Variants in EHD2 observed in about 807,000 individuals in gnomAD.
EHD2 encodes the protein EH domain containing 2, also known as EH domain-containing protein 2.
Under a neutral mutation model 41.0 loss-of-function variants are expected in EHD2, and 27 were observed. That is an observed-to-expected ratio of 0.66 (90% CI 0.49 to 0.91). EHD2 has a LOEUF of 0.91. Ranked by LOEUF, EHD2 falls within the 40% of genes least tolerant of loss-of-function variation. EHD2 has a pLI of 0.00. For synonymous variants in EHD2, 342 were observed against 341.0 expected (o/e 1.00, Z -0.03); for missense variants, 673 against 773.9 (o/e 0.87, Z 1.55).
chr19:47,733,175 C>T (rs1966886978), intron 4 of EHD2: 1 of 151,744 alleles, frequency 6.6e-6, no homozygotes, highest in Non-Finnish European at 1.5e-5. Flanking sequence ...TGAGTGTTTT[C>T]TGTACAGATT....
At chr19:47,720,867 G>A (rs1296488556) in intron 3 of EHD2, among the ~76,000 whole-genome samples, 1 of 151,936 alleles carries the variant, frequency 6.6e-6, no homozygotes, top group Non-Finnish European at 1.5e-5. Flanking sequence ...GTGTGTGCAG[G>A]AGTGCATCTT....
At chr19:47,722,617 G>A (rs555004908) in intron 3 of EHD2, among the ~76,000 whole-genome samples, 3 of 151,532 alleles carry the variant, frequency 2.0e-5, no homozygotes, top group African/African-American at 4.8e-5. Context: ...CCAGGCTGGA[G>A]TGCAGTGGCA....
chr19:47,716,735 C>T lies in EHD2; in HGVS notation c.123C>T (p.Arg41=), dbSNP rs772577292. The part of the protein sequence containing the change: ...TKLLPLEEHY[R]FGAFHSPALE... ...TGCTGCCGCTGGAGGAGCACTACCG[C>T]TTTGGGGCCTTCCACTCGCCGGCCC... Residue 41 remains arginine, a synonymous_variant, in exon 2 of 6, where the codon CGC becomes CGT. Coordinates refer to ENST00000263277, the MANE Select transcript of EHD2 (RefSeq NM_014601.4). 14 of 1,613,428 alleles carry T rather than the reference C, an allele frequency of 8.7e-6. No homozygotes were observed. The highest frequency in any genetic ancestry group is 1.2e-5 in the Non-Finnish European group (14 of 1,179,780).
chr19:47,722,815 G>T (rs1322468052), intron 3 of EHD2, among the ~76,000 whole-genome samples: 1 of 152,092 alleles, frequency 6.6e-6, no homozygotes, highest in East Asian at 1.9e-4. Context: ...TGATCCACCC[G>T]CCTCAGCCTC....
chr19:47,722,938 G>A (rs1748883068), intron 3 of EHD2, among the ~76,000 whole-genome samples: 4 of 152,170 alleles, frequency 2.6e-5, no homozygotes, highest in Admixed American at 2.6e-4. Context: ...CCACCTCCTG[G>A]GGTTGTTGTG....
In EHD2 at chr19:47,738,449, T is replaced by C. The variant is rs187049775; in HGVS notation, c.1080+1916T>C. Among the ~76,000 whole-genome samples the C allele has an allele frequency of 1.3e-3, 200 of 152,058 alleles. 2 individuals are homozygous for C. Among genetic ancestry groups the C allele is most frequent in the African/African-American group, 3.8e-3 (159 of 41,488 alleles). ...TCCCAAGTAGCTGAGATTACAGGCA[T>C]CCGCCACCACGCCCAGCTAATTTTG... On this transcript the variant is annotated intron_variant, in intron 5 of 5. Coordinates refer to ENST00000263277, the MANE Select transcript of EHD2 (RefSeq NM_014601.4).
chr19:47,714,371 A>G (rs1038838941), intron 1 of EHD2, among the ~76,000 whole-genome samples: 3 of 152,192 alleles, frequency 2.0e-5, no homozygotes, highest in African/African-American at 7.2e-5. Flanking sequence ...CCAAAAGTTG[A>G]TTCTTTGAAA....
chr19:47,731,279 A>AAATATATATATATATGTGT, intron 4 of EHD2: 1 of 60,934 alleles, frequency 1.6e-5, no homozygotes, highest in East Asian at 4.7e-4. Context: ...AAAAAAAAAA[A>AAATATATATATATATGTGT]ATATATATAT....
chr19:47,726,859 G>A (rs1261585714), intron 4 of EHD2, among the ~76,000 whole-genome samples: 1 of 152,032 alleles, frequency 6.6e-6, no homozygotes, highest in East Asian at 1.9e-4. Flanking sequence ...TTTATTTTTT[G>A]TAGAGTCGAG....
At chr19:47,731,247 A>G (rs1206157196) in intron 4 of EHD2, 1 of 117,348 alleles carries the variant, frequency 8.5e-6, no homozygotes, top group African/African-American at 3.0e-5. Flanking sequence ...CGTTCTCAGC[A>G]GTCTAAATTT....
Position 47,716,728 on chromosome 19 carries a change from A to G in EHD2, c.116A>G (p.His39Arg), listed in dbSNP as rs939377555. ...ACGAAGCTGCTGCCGCTGGAGGAGC[A>G]CTACCGCTTTGGGGCCTTCCACTCG... ...YRTKLLPLEEHYRFGAFHSPA... is the reference protein window; with the variant it reads ...YRTKLLPLEERYRFGAFHSPA... Residue 39 changes from histidine to arginine, a missense_variant, in exon 2 of 6, where the codon CAC (histidine) becomes CGC (arginine). His to Arg is a conservative substitution (Grantham distance 29). Transcript: ENST00000263277. 7 of 1,613,240 alleles carry G rather than the reference A, an allele frequency of 4.3e-6. No individual in the cohort carries two copies. In the African/African-American group the frequency reaches 9.3e-5, roughly 22 times the overall value.
Position 47,741,074 on chromosome 19 carries a change from G to A in EHD2, c.1274G>A (p.Arg425Gln), listed in dbSNP as rs374465952. The change falls in exon 6 of 6, where the codon CGG becomes CAG. Residue 425 changes from arginine to glutamine, a missense_variant. By Grantham distance (43) the Arg-to-Gln change is conservative (BLOSUM62 1). Transcript: ENST00000263277. The surrounding 1 kb of genome is among the most constrained non-coding windows in gnomAD (Gnocchi z 4.5). The stretch of plus-strand genomic sequence containing the variant: ...ACCCACATGGGCCCGTTTGTGGAGC[G>A]GGGACCTGACGAGGCCATGGAGGAC... ...EGTHMGPFVE[R>Q]GPDEAMEDGE... is the part of the protein sequence containing the mutation. 170 of 1,609,460 alleles carry A rather than the reference G, an allele frequency of 1.1e-4. No individual in the cohort carries two copies. The highest frequency in any genetic ancestry group is 1.3e-4 in the Non-Finnish European group (151 of 1,179,564).
chr19:47,725,780 C>G (rs1411633512), intron 3 of EHD2, 32 bp from the exon 4 acceptor site: 2 of 1,551,242 alleles, frequency 1.3e-6, no homozygotes, highest in African/African-American at 1.4e-5. Context: ...ATTTCTGCCC[C>G]TTGCGCCCCT....
rs374298761 is a variant in EHD2, at chr19:47,737,226, C to T, written c.1080+693C>T. 8.3e-4 allele frequency among the ~76,000 whole-genome samples: 103 copies of T among 124,562 alleles called. 1 individual carries two copies. Among genetic ancestry groups the T allele is most frequent in the East Asian group, 5.9e-3 (26 of 4,422 alleles). The allele number at this position is 124,562 out of a possible 152,430, so 81.7% of individuals were successfully genotyped here. On this transcript the variant is annotated intron_variant, in intron 5 of 5. Transcript: ENST00000263277. ...GGCCTAGGCAAAAAGAGCGAGACTC[C>T]GTCTCAAAAAAAAAAAAAAAAAGAA...
chr19:47,717,082 TTTTCGCCC>T, intron 2 of EHD2, 66 bp downstream of exon 2: 13 of 1,588,278 alleles, frequency 8.2e-6, no homozygotes, highest in Non-Finnish European at 7.7e-6. Context: ...GTTTCCGCTC[TTTTCGCCC>T]AGGCTGGAGT....
intron 4 of EHD2, among the ~76,000 whole-genome samples, chr19:47,734,637 C>T (rs1042423394): frequency 4.0e-5 from 6 of 151,482 alleles, no homozygotes; most frequent in Non-Finnish European, 5.9e-5. Context: ...CCCAGCTACT[C>T]GAGAGGTAGA....
chr19:47,743,029 T>G lies in EHD2; in HGVS notation c.*1597T>G, dbSNP rs759231313. ...GGAGACGACGCACCCTCCAGGATGC[T>G]CGCTGGGATTCCCACGCCCACCACT... On this transcript the variant is annotated 3_prime_UTR_variant, in exon 6 of 6. Transcript: ENST00000263277. 6.6e-6 allele frequency: 1 copy of G among 152,578 alleles called. No homozygotes were observed. The highest frequency in any genetic ancestry group is 1.5e-5 in the Non-Finnish European group (1 of 68,190). 9.5% of individuals were successfully genotyped at this position (152,578 alleles called of 1,614,324 possible).
intron 4 of EHD2, among the ~76,000 whole-genome samples, chr19:47,727,702 TAA>T (rs779838632): frequency 1.1e-4 from 14 of 126,102 alleles, no homozygotes; most frequent in South Asian, 1.0e-3. Flanking sequence ...CCATTTCTAT[TAA>T]AAAAAAAAAA....
chr19:47,731,314 A>ATATACATATATATATATATGTGT (rs1160770476), intron 4 of EHD2: 8 of 113,974 alleles, frequency 7.0e-5, no homozygotes, highest in East Asian at 2.2e-4. Context: ...ATATATATAT[A>ATATACATATATATATATATGTGT]ATTTTTTTTT....
Sources: gnomAD v4.1 joint callset for allele counts (sites outside exome capture counted in the v4.1 genomes callset) on GRCh38, gnomAD v4.1.1 for gene constraint, Gnocchi (gnomAD v3.1) non-coding constraint, MANE v1.5 for transcripts, NCBI Gene and HGNC (gene_info 2026-07-23, HGNC 2026-07-21) for gene names.